CFHR1: variants seen among roughly 807,000 people sequenced by gnomAD.
CFHR1 encodes the protein complement factor H-related protein 1.
Under a neutral mutation model 30.4 loss-of-function variants are expected in CFHR1, and 22 were observed. The ratio of observed to expected loss-of-function variants is 0.72; its 90% confidence interval spans 0.52 to 1.03. The LOEUF is 1.03. CFHR1 is among the 50% of genes least tolerant of loss of function. The pLI is 0.00. For missense variants in CFHR1, 248 were observed against 380.6 expected (o/e 0.65, Z 2.90); for synonymous variants, 95 against 129.1 (o/e 0.74, Z 1.79).
intron 4 of CFHR1, among the ~76,000 whole-genome samples, 169 bp downstream of exon 4, chr1:196,828,415 G>T (rs1406106896): frequency 7.5e-6 from 1 of 133,574 alleles, no homozygotes; most frequent in Non-Finnish European, 1.6e-5. Context: ...AAGTAATAGG[G>T]TGTATTATTT....
In CFHR1 at chr1:196,826,901, C is replaced by T. The variant is rs758627301; in HGVS notation, c.326C>T (p.Thr109Ile). 33 of 1,524,792 alleles carry T rather than the reference C, an allele frequency of 2.2e-5. 8 individuals carry two copies. The highest frequency in any genetic ancestry group is 1.4e-4 in the African/African-American group (8 of 58,288). 94.5% of individuals were successfully genotyped at this position (1,524,792 alleles called of 1,614,324 possible). The change falls in exon 3 of 6, where the codon ACT (threonine) becomes ATT (isoleucine). Residue 109 changes from threonine to isoleucine, a missense_variant. Transcript: ENST00000320493. ...GGACAAACACATCTGGAAGGTGATA[C>T]TGTGCAAATTATTTGCAACACAGGA... is the stretch of plus-strand genomic sequence containing the variant. The part of the protein sequence containing the change: ...SSGQTHLEGD[T>I]VQIICNTGYR...
intron 4 of CFHR1, 21 bp from the exon 5 acceptor site, chr1:196,830,479 T>A (rs1209392381): frequency 6.6e-7 from 1 of 1,523,506 alleles, no homozygotes; most frequent in Non-Finnish European, 8.9e-7. Context: ...ATAAATCAAG[T>A]GATGAAATGA....
In CFHR1 at chr1:196,828,068, A is replaced by T. The variant is rs111851524; in HGVS notation, c.431-2A>T. 1.3e-6 allele frequency: 2 copies of T among 1,496,310 alleles called. 1 individual carries two copies. The highest frequency in any genetic ancestry group is 1.8e-6 in the Non-Finnish European group (2 of 1,114,140). 92.7% of individuals were successfully genotyped at this position (1,496,310 alleles called of 1,614,324 possible). ...GGAACCACTTCTTTTTTTTCTACTC[A>T]GACACTTCCTGTGTGAATCCGCCCA... On this transcript the variant is annotated splice_acceptor_variant, in intron 3 of 5. Transcript: ENST00000320493. LOFTEE classifies it high-confidence loss of function.
At chr1:196,830,124 A>G (rs1655486963) in intron 4 of CFHR1, among the ~76,000 whole-genome samples, 1 of 135,498 alleles carries the variant, frequency 7.4e-6, no homozygotes, top group Non-Finnish European at 1.6e-5. Context: ...GGGATTTTTA[A>G]GAACCATCAT....
At chr1:196,829,517 A>G (rs1655462691) in intron 4 of CFHR1, among the ~76,000 whole-genome samples, 1 of 134,570 alleles carries the variant, frequency 7.4e-6, no homozygotes, top group Non-Finnish European at 1.6e-5. Flanking sequence ...CTGGAGACAA[A>G]TTCTCTTGGT....
intron 1 of CFHR1, among the ~76,000 whole-genome samples, chr1:196,824,761 T>TATATATATATATATAC: frequency 9.6e-6 from 1 of 104,198 alleles, no homozygotes; most frequent in Admixed American, 9.3e-5. Context: ...TATATATATA[T>TATATATATATATATAC]ATATATATAT....
intron 1 of CFHR1, among the ~76,000 whole-genome samples, chr1:196,824,775 T>TATATATATATACAC (rs1384406183): frequency 8.9e-6 from 1 of 111,758 alleles, no homozygotes; most frequent in Non-Finnish European, 1.8e-5. Context: ...TATATATATA[T>TATATATATATACAC]ATATATGTGC....
intron 2 of CFHR1, 145 bp downstream of exon 2, chr1:196,825,816 A>T: frequency 1.3e-6 from 1 of 756,410 alleles, no homozygotes; most frequent in African/African-American, 2.3e-5. Flanking sequence ...CTATTTTGAG[A>T]TGCCTCCTAT....
chr1:196,828,619 G>T (rs1230412143), intron 4 of CFHR1, among the ~76,000 whole-genome samples: 5 of 131,472 alleles, frequency 3.8e-5, no homozygotes, highest in Admixed American at 7.3e-5. Flanking sequence ...TGATATAAAT[G>T]TGGGCATCTT....
At position 196,825,315 on chromosome 1, in the gene CFHR1, T is replaced by G. The variant is rs1363631148; in HGVS notation, c.59-162T>G. The G allele has an allele frequency of 4.2e-6, 2 of 481,016 alleles. 1 individual carries two copies. The highest frequency in any genetic ancestry group is 6.8e-6 in the Non-Finnish European group (2 of 292,056). The allele number at this position is 481,016 out of a possible 1,614,324, so 29.8% of individuals were successfully genotyped here. On this transcript the variant is annotated intron_variant, in intron 1 of 5. Transcript: ENST00000320493. The stretch of plus-strand genomic sequence containing the variant: ...CAAATAGTCATGTACTCCTAGTTAG[T>G]GATGCTTTTCATTCCTAATTTGTAC...
In CFHR1 at chr1:196,826,934, T is replaced by C. The variant is rs1401720009; in HGVS notation, c.359T>C (p.Leu120Pro). 56 of 1,525,470 alleles carry C rather than the reference T, an allele frequency of 3.7e-5. 12 individuals are homozygous for C. The highest frequency in any genetic ancestry group is 4.3e-5 in the Non-Finnish European group (49 of 1,129,518). 94.5% of individuals were successfully genotyped at this position (1,525,470 alleles called of 1,614,324 possible). A position where few individuals can be genotyped will look rare whatever the true frequency, so the allele number is the denominator to read the frequency against. The stretch of plus-strand genomic sequence containing the variant: ...ATTATTTGCAACACAGGATACAGAC[T>C]TCAAAACAATGAGAACAACATTTCA... ...VQIICNTGYR[L>P]QNNENNISCV... Residue 120 changes from leucine (L) to proline (P), a missense_variant, in exon 3 of 6, where the codon CTT becomes CCT. Coordinates refer to ENST00000320493, the MANE Select transcript of CFHR1 (RefSeq NM_002113.3).
At position 196,828,503 on chromosome 1, in the gene CFHR1, T is replaced by G. The variant is rs1738734; in HGVS notation, c.607+257T>G. Among the ~76,000 whole-genome samples the G allele has an allele frequency of 0.42, 54,523 of 130,768 alleles. 17,032 individuals carry two copies. Among genetic ancestry groups the G allele is most frequent in the East Asian group, 0.52 (2,617 of 5,000 alleles). The allele number at this position is 130,768 out of a possible 152,430, so 85.8% of individuals were successfully genotyped here. On this transcript the variant is annotated intron_variant, in intron 4 of 5. Coordinates refer to ENST00000320493, the MANE Select transcript of CFHR1 (RefSeq NM_002113.3). ...TTTAAGCATCACAACACTTAGTTCCTTCTCAGGAATACGTGTAATAAAAGA... is the reference window on the plus strand; with the variant it reads ...TTTAAGCATCACAACACTTAGTTCCGTCTCAGGAATACGTGTAATAAAAGA...
intron 5 of CFHR1, 32 bp from the exon 6 acceptor site, chr1:196,831,765 A>C: frequency 6.7e-7 from 1 of 1,493,282 alleles, no homozygotes; most frequent in Non-Finnish European, 9.1e-7. Flanking sequence ...CATACTACTT[A>C]ATGTTTTATG....
Position 196,825,539 on chromosome 1 carries a change from C to A in CFHR1, c.121C>A (p.Pro41Thr). 1.3e-6 allele frequency: 2 copies of A among 1,520,988 alleles called. 1 individual carries two copies. Among genetic ancestry groups the A allele is most frequent in the African/African-American group, 3.4e-5 (2 of 58,286 alleles). The allele number at this position is 1,520,988 out of a possible 1,614,324, so 94.2% of individuals were successfully genotyped here. A position where few individuals can be genotyped will look rare whatever the true frequency, so the allele number is the denominator to read the frequency against. ...GILYDEEKYK[P>T]FSQVPTGEVF... ...TCTATATGATGAAGAAAAATATAAGCCATTTTCCCAGGTTCCTACAGGGGA... is the reference window on the plus strand; with the variant it reads ...TCTATATGATGAAGAAAAATATAAGACATTTTCCCAGGTTCCTACAGGGGA... The change falls in exon 2 of 6, where the codon CCA becomes ACA. Residue 41 changes from proline (P) to threonine (T), a missense_variant. By Grantham distance (38) the Pro-to-Thr change is conservative. Around this residue, in one of 3 missense-constraint regions of CFHR1, gnomAD observed 121 missense variants for 162.6 expected, o/e 0.74. Coordinates refer to ENST00000320493, the MANE Select transcript of CFHR1 (RefSeq NM_002113.3).
chr1:196,824,829 T>G (rs1387211056), intron 1 of CFHR1, among the ~76,000 whole-genome samples: 1 of 116,818 alleles, frequency 8.6e-6, no homozygotes, highest in East Asian at 2.1e-4. Context: ...AATACAAATA[T>G]ACAAATACAT....
At position 196,829,867 on chromosome 1, in the gene CFHR1, T is replaced by C. The variant is rs1396316470; in HGVS notation, c.608-633T>C. ...AATGGGAAGTTTTCAGGTATCCTTT[T>C]ATTTATTCATTTTTCCAGCCCAATA... On this transcript the variant is annotated intron_variant, in intron 4 of 5. Coordinates refer to ENST00000320493, the MANE Select transcript of CFHR1 (RefSeq NM_002113.3). Among the ~76,000 whole-genome samples the C allele has an allele frequency of 1.5e-5, 2 of 135,070 alleles. 1 individual carries two copies. The highest frequency in any genetic ancestry group is 6.3e-5 in the African/African-American group (2 of 31,628). The allele number at this position is 135,070 out of a possible 152,430, so 88.6% of individuals were successfully genotyped here.
Position 196,829,969 on chromosome 1 carries a change from T to G in CFHR1, c.608-531T>G, listed in dbSNP as rs183858697. 2.7e-3 allele frequency among the ~76,000 whole-genome samples: 360 copies of G among 135,290 alleles called. 91 individuals carry two copies. The highest frequency in any genetic ancestry group is 0.011 in the African/African-American group (347 of 31,714). The allele number at this position is 135,290 out of a possible 152,430, so 88.8% of individuals were successfully genotyped here. A position where few individuals can be genotyped will look rare whatever the true frequency, so the allele number is the denominator to read the frequency against. ...AATGTCTCAGTTCAGTTTTTTGTTTTCAGTCTATTTTCAGAGTGGGTAATT... is the reference window on the plus strand; with the variant it reads ...AATGTCTCAGTTCAGTTTTTTGTTTGCAGTCTATTTTCAGAGTGGGTAATT... On this transcript the variant is annotated intron_variant, in intron 4 of 5. Coordinates refer to ENST00000320493, the MANE Select transcript of CFHR1 (RefSeq NM_002113.3).
At position 196,825,479 on chromosome 1, in the gene CFHR1, A is replaced by G; in HGVS notation, c.61A>G (p.Thr21Ala). 1 of 1,477,618 alleles carries G rather than the reference A, an allele frequency of 6.8e-7. No homozygotes were observed. Among genetic ancestry groups the G allele is most frequent in the Non-Finnish European group, 9.2e-7 (1 of 1,088,876 alleles). The allele number at this position is 1,477,618 out of a possible 1,614,324, so 91.5% of individuals were successfully genotyped here. A position where few individuals can be genotyped will look rare whatever the true frequency, so the allele number is the denominator to read the frequency against. Residue 21 changes from threonine to alanine, a missense_variant and splice_region_variant, in exon 2 of 6, where the codon ACA becomes GCA. Transcript: ENST00000320493. ...TCAGTTTTATGTTATTTTCCCAGCA[A>G]CATTTTGTGATTTTCCAAAAATAAA... is the stretch of plus-strand genomic sequence containing the variant. ...SRISSVGGEA[T>A]FCDFPKINHG... is the part of the protein sequence containing the mutation.
At position 196,823,099 on chromosome 1, in the gene CFHR1, A is replaced by G. The variant is rs61818888; in HGVS notation, c.59-2378A>G. 1.3e-4 allele frequency among the ~76,000 whole-genome samples: 6 copies of G among 45,692 alleles called. 1 individual carries two copies. The highest frequency in any genetic ancestry group is 7.9e-4 in the African/African-American group (6 of 7,598). 30.0% of individuals were successfully genotyped at this position (45,692 alleles called of 152,430 possible). On this transcript the variant is annotated intron_variant, in intron 1 of 5. Transcript: ENST00000320493. Reference sequence around the variant, plus strand: ...TGTACGACTGTATATATATATATATATATGTGTGTGTGTGTGTGTGTGTGT... The same window carrying G: ...TGTACGACTGTATATATATATATATGTATGTGTGTGTGTGTGTGTGTGTGT...
Sources: gnomAD v4.1 joint callset for allele counts (sites outside exome capture counted in the v4.1 genomes callset) on GRCh38, gnomAD v4.1.1 for gene constraint, gnomAD v4.1.1 regional missense constraint, MANE v1.5 for transcripts, NCBI Gene and HGNC (gene_info 2026-07-23, HGNC 2026-07-21) for gene names.